Variants in SLC37A2 observed in about 807,000 individuals in gnomAD.
The protein encoded by SLC37A2 is solute carrier family 37 member 2.
SLC37A2 carries 59 observed loss-of-function variants against 70.7 expected under a neutral mutation model. The observed-to-expected ratio is 0.83, with a 90% CI of 0.68 to 1.04. The LOEUF (loss-of-function observed/expected upper bound fraction) is 1.04, where lower values mean the gene tolerates loss of function less well. Among genes scored for constraint, SLC37A2 ranks in the 50% least tolerant of loss-of-function variants. The pLI is 0.00. For missense variants in SLC37A2, 580 were observed against 658.1 expected, an observed-to-expected ratio of 0.88 and a Z score of 1.30; for synonymous variants, 257 against 262.1, an observed-to-expected ratio of 0.98 and a Z score of 0.19.
chr11:125,084,700 G>A (rs1949185492), intron 12 of SLC37A2, 125 bp from the exon 13 acceptor site: 2 of 1,003,822 alleles, frequency 2.0e-6, no homozygotes, highest in African/African-American at 3.2e-5. Flanking sequence ...AATCTGCATA[G>A]GCAGGGGAAA....
chr11:125,077,063 G>A (rs533418651), intron 2 of SLC37A2, among the ~76,000 whole-genome samples, 167 bp from the exon 3 acceptor site: 1 of 152,292 alleles, frequency 6.6e-6, no homozygotes, highest in East Asian at 1.9e-4. Context: ...GCTGCTCATG[G>A]GTCTGATGTG....
At chr11:125,081,370 T>G (rs1230017603) in intron 7 of SLC37A2, 51 bp from the exon 8 acceptor site, 6 of 1,558,714 alleles carry the variant, frequency 3.8e-6, no homozygotes, top group Non-Finnish European at 4.4e-6. Context: ...CACCTCGGGA[T>G]TGGGGGGGCG....
intron 11 of SLC37A2, 51 bp from the exon 12 acceptor site, chr11:125,084,183 G>A (rs1245101210): frequency 6.3e-7 from 1 of 1,597,588 alleles, no homozygotes; most frequent in Non-Finnish European, 8.6e-7. Flanking sequence ...CAGGCGAGGG[G>A]ATGGCAGGGT....
chr11:125,084,192 G>T (rs1464841659), intron 11 of SLC37A2, 42 bp from the exon 12 acceptor site: 1 of 1,608,722 alleles, frequency 6.2e-7, no homozygotes, highest in African/African-American at 1.3e-5. Context: ...GGATGGCAGG[G>T]TCCTGTCTGG....
intron 1 of SLC37A2, among the ~76,000 whole-genome samples, chr11:125,076,359 C>T (rs1318841210): frequency 2.6e-5 from 4 of 152,140 alleles, no homozygotes; most frequent in Non-Finnish European, 5.9e-5. Flanking sequence ...TCCCTCCTAC[C>T]CCCATCATTT....
intron 1 of SLC37A2, among the ~76,000 whole-genome samples, chr11:125,072,123 C>A (rs990564005): frequency 6.6e-6 from 1 of 152,022 alleles, no homozygotes; most frequent in Non-Finnish European, 1.5e-5. Flanking sequence ...TTGTTTTTTG[C>A]TGTTGCAGTG....
rs114364547 is a variant in SLC37A2, at chr11:125,075,054, G to T, written c.60-1703G>T. Among the ~76,000 whole-genome samples, 1,141 of 152,298 alleles carry T rather than the reference G, an allele frequency of 7.5e-3. 16 individuals are homozygous for T. Among genetic ancestry groups the T allele is most frequent in the African/African-American group, 0.027 (1,105 of 41,574 alleles). ...ACTGATACTAGCGCAATGTGTAACT[G>T]ATGAGGAAACCAGAGGCAAAAAAAA... On this transcript the variant is annotated intron_variant, in intron 1 of 17. Coordinates refer to ENST00000403796, the MANE Select transcript of SLC37A2 (RefSeq NM_001145290.2).
intron 1 of SLC37A2, among the ~76,000 whole-genome samples, chr11:125,067,074 G>A (rs546873318): frequency 6.6e-6 from 1 of 151,982 alleles, no homozygotes; most frequent in Non-Finnish European, 1.5e-5. Context: ...CAAACTCCTG[G>A]GCTCAAGGGA....
In SLC37A2 at chr11:125,089,381, C is replaced by G. The variant is rs1474275157; in HGVS notation, c.*1247C>G. 1 of 155,554 alleles carries G rather than the reference C, an allele frequency of 6.4e-6. No homozygotes were observed. Among genetic ancestry groups the G allele is most frequent in the Non-Finnish European group, 1.4e-5 (1 of 70,696 alleles). 9.6% of individuals were successfully genotyped at this position (155,554 alleles called of 1,614,324 possible). A position where few individuals can be genotyped will look rare whatever the true frequency, so the allele number is the denominator to read the frequency against. On this transcript the variant is annotated 3_prime_UTR_variant, in exon 18 of 18. Coordinates refer to ENST00000403796, the MANE Select transcript of SLC37A2 (RefSeq NM_001145290.2). The stretch of plus-strand genomic sequence containing the variant: ...GCTCTCGGCGCCTCCTCTGCCTGGG[C>G]TCCCACTTTGGCGGCACTTGAGGAG...
At chr11:125,077,951 T>C (rs1243059764) in intron 4 of SLC37A2, among the ~76,000 whole-genome samples, 3 of 152,044 alleles carry the variant, frequency 2.0e-5, no homozygotes, top group Non-Finnish European at 4.4e-5. Context: ...CACAGGCCAG[T>C]GGGGGCAATG....
chr11:125,088,290 C>G lies in SLC37A2; in HGVS notation c.*156C>G, dbSNP rs990281099. On this transcript the variant is annotated 3_prime_UTR_variant, in exon 18 of 18. Coordinates refer to ENST00000403796, the MANE Select transcript of SLC37A2 (RefSeq NM_001145290.2). ...CAGACCCCAGGGCTGCCTAAGGACA[C>G]AGAGATTCTCCATGGGAAGGGGACT... 6.5e-6 allele frequency: 5 copies of G among 768,708 alleles called. No individual in the cohort carries two copies. In the South Asian group the frequency reaches 9.0e-5, roughly 14 times the overall value. The allele number at this position is 768,708 out of a possible 1,614,324, so 47.6% of individuals were successfully genotyped here.
intron 6 of SLC37A2, 134 bp downstream of exon 6, chr11:125,079,894 G>A: frequency 4.3e-6 from 3 of 696,396 alleles, no homozygotes; most frequent in South Asian, 3.4e-5. Flanking sequence ...CACGTGCTTA[G>A]AAGTGGCTAA....
intron 17 of SLC37A2, chr11:125,086,664 A>T: frequency 3.5e-6 from 1 of 289,366 alleles, no homozygotes; most frequent in Non-Finnish European, 6.7e-6. Flanking sequence ...ATGTGAATCA[A>T]GCATGGGTGG....
intron 4 of SLC37A2, among the ~76,000 whole-genome samples, chr11:125,078,506 G>C (rs1305446905): frequency 6.6e-6 from 1 of 152,192 alleles, no homozygotes; most frequent in Non-Finnish European, 1.5e-5. Context: ...CTAGCTAAGA[G>C]GTAGCCCGGT....
At chr11:125,077,428 T>G (rs1185260364) in intron 3 of SLC37A2, 22 bp from the exon 4 acceptor site, 1 of 1,610,766 alleles carries the variant, frequency 6.2e-7, no homozygotes, top group Non-Finnish European at 8.5e-7. Flanking sequence ...GTCAGCTTTC[T>G]GTTTCTCCCA....
chr11:125,088,015 A>T, intron 17 of SLC37A2, 104 bp from the exon 18 acceptor site: 1 of 1,250,864 alleles, frequency 8.0e-7, no homozygotes, highest in Non-Finnish European at 1.1e-6. Flanking sequence ...AGATGAAAGC[A>T]ATGATGAAGG....
intron 1 of SLC37A2, among the ~76,000 whole-genome samples, chr11:125,069,457 A>T (rs1011496008): frequency 7.9e-5 from 12 of 152,246 alleles, no homozygotes; most frequent in African/African-American, 2.4e-4. Flanking sequence ...TACCTATATC[A>T]CGGGGTTTTG....
Position 125,081,868 on chromosome 11 carries a change from C to G in SLC37A2, c.847C>G (p.Pro283Ala). 1 of 1,613,506 alleles carries G rather than the reference C, an allele frequency of 6.2e-7. No homozygotes were observed. The highest frequency in any genetic ancestry group is 8.5e-7 in the Non-Finnish European group (1 of 1,179,718). The change falls in exon 9 of 18, where the codon CCT becomes GCT. Residue 283 changes from proline (P) to alanine (A), a missense_variant. Pro to Ala is a conservative substitution (Grantham distance 27, BLOSUM62 -1). Transcript: ENST00000403796. ...ATGCTCCAAGGGGCCATGCGAAGAG[C>G]CTGCTGCCATCAGCTTCTTTGGGGC... is the stretch of plus-strand genomic sequence containing the variant. ...AKCSKGPCEE[P>A]AAISFFGALR...
intron 1 of SLC37A2, among the ~76,000 whole-genome samples, chr11:125,064,280 G>A (rs1948960208): frequency 6.6e-6 from 1 of 152,154 alleles, no homozygotes; most frequent in Non-Finnish European, 1.5e-5. Flanking sequence ...AGAATTACAT[G>A]AGGCCAGGAG....
Sources: gnomAD v4.1 joint callset for allele counts (sites outside exome capture counted in the v4.1 genomes callset) on GRCh38, gnomAD v4.1.1 for gene constraint, MANE v1.5 for transcripts, NCBI Gene and HGNC (gene_info 2026-07-23, HGNC 2026-07-21) for gene names.